The following ANK2 variants were observed in gnomAD, a reference collection of about 807,000 sequenced individuals.
ANK2 encodes the protein ankyrin-2.
In ANK2, 83 loss-of-function variants were observed where a neutral mutation model predicts 360.5. The observed-to-expected ratio is 0.23, with a 90% confidence interval of 0.19 to 0.28. The LOEUF (loss-of-function observed/expected upper bound fraction) is 0.28, where lower values mean the gene tolerates loss of function less well. ANK2 is among the 10% of genes least tolerant of loss of function. The pLI is 1.00. For synonymous variants in ANK2, 1,740 were observed against 1,759.5 expected (o/e 0.99, Z 0.28); for missense variants, 4,201 against 4,795.7 (o/e 0.88, Z 3.66).
At chr4:112,886,278 A>G (rs1378212704) in intron 1 of ANK2, among the ~76,000 whole-genome samples, 1 of 152,122 alleles carries the variant, frequency 6.6e-6, no homozygotes, top group Non-Finnish European at 1.5e-5. Flanking sequence ...GCTCAGCTAG[A>G]ATATAAATAC....
chr4:113,352,924 G>C, intron 37 of ANK2, 121 bp from the exon 38 acceptor site: 1 of 1,105,016 alleles, frequency 9.0e-7, no homozygotes, highest in Non-Finnish European at 1.3e-6. Context: ...AGCCCATTTT[G>C]TTGCCCCTCC....
At chr4:112,914,363 G>A (rs1434903633) in intron 2 of ANK2, among the ~76,000 whole-genome samples, 1 of 152,206 alleles carries the variant, frequency 6.6e-6, no homozygotes, top group Non-Finnish European at 1.5e-5. Context: ...GCTCACGCCG[G>A]TAATCCCCGT....
At chr4:112,775,383 G>A in the ANK2 span, among the ~76,000 whole-genome samples, 2 of 152,010 alleles carry the variant, frequency 1.3e-5, no homozygotes, top group African/African-American at 4.8e-5. Context: ...GCTGGGTGTG[G>A]TGGCACGTGC....
chr4:112,910,957 CT>C (rs1163828806), intron 2 of ANK2, among the ~76,000 whole-genome samples: 22,538 of 125,056 alleles, frequency 0.18, 1,960 homozygotes, highest in East Asian at 0.4. Flanking sequence ...TATTATTTGC[CT>C]TTTTTTTTTT....
chr4:113,228,082 T>C (rs1311699352), intron 4 of ANK2, among the ~76,000 whole-genome samples: 2 of 152,232 alleles, frequency 1.3e-5, no homozygotes, highest in Admixed American at 6.5e-5. Flanking sequence ...AAGGCACACA[T>C]GTGATGTTTG....
intron 2 of ANK2, among the ~76,000 whole-genome samples, chr4:112,949,029 C>T (rs2094753856): frequency 1.3e-5 from 2 of 152,136 alleles, no homozygotes; most frequent in Non-Finnish European, 2.9e-5. Context: ...CTTTCAGAGT[C>T]CCCCTCACCC....
chr4:113,235,697 A>G (rs2099366580), intron 5 of ANK2, among the ~76,000 whole-genome samples: 1 of 152,106 alleles, frequency 6.6e-6, no homozygotes, highest in Non-Finnish European at 1.5e-5. Context: ...CAGCCTCCCA[A>G]AGTGCTGGGA....
chr4:113,037,074 G>A (rs1025617246), intron 2 of ANK2, among the ~76,000 whole-genome samples: 1 of 151,918 alleles, frequency 6.6e-6, no homozygotes, highest in Non-Finnish European at 1.5e-5. Flanking sequence ...ACAGCTCTTT[G>A]TTTCTGACCT....
chr4:113,063,256 AT>A, intron 1 of ANK2, among the ~76,000 whole-genome samples: 1 of 152,166 alleles, frequency 6.6e-6, no homozygotes, highest in East Asian at 1.9e-4. Flanking sequence ...GTTATCATTT[AT>A]TAAGGGCTCT....
chr4:112,725,816 A>G, the ANK2 span, among the ~76,000 whole-genome samples: 3 of 152,170 alleles, frequency 2.0e-5, no homozygotes, highest in African/African-American at 7.2e-5. Context: ...ACAGAGTTTC[A>G]GTTTTGCAAG....
chr4:112,773,249 T>TG, the ANK2 span, among the ~76,000 whole-genome samples: 3 of 152,074 alleles, frequency 2.0e-5, no homozygotes, highest in African/African-American at 7.2e-5. Flanking sequence ...CTCGGGAAGT[T>TG]GGGGCTGTGG....
chr4:113,177,959 AG>A, intron 2 of ANK2, among the ~76,000 whole-genome samples: 1 of 152,230 alleles, frequency 6.6e-6, no homozygotes, highest in South Asian at 2.1e-4. Context: ...ATGTAAAAGG[AG>A]TTTCTAAGGT....
intron 1 of ANK2, among the ~76,000 whole-genome samples, chr4:113,121,307 A>C (rs1024547305): frequency 3.3e-5 from 5 of 152,288 alleles, no homozygotes; most frequent in Middle Eastern, 6.8e-3. Context: ...TCTAAAGTTC[A>C]TTGGAGAAAA....
chr4:113,268,596 G>C (rs2057207426), intron 14 of ANK2, among the ~76,000 whole-genome samples: 1 of 152,222 alleles, frequency 6.6e-6, no homozygotes, highest in Non-Finnish European at 1.5e-5. Flanking sequence ...CAGGGATGAA[G>C]CTGACTTGAT....
intron 1 of ANK2, among the ~76,000 whole-genome samples, chr4:112,841,336 T>C (rs2062034662): frequency 6.6e-6 from 1 of 152,222 alleles, no homozygotes; most frequent in African/African-American, 2.4e-5. Flanking sequence ...GGCTTTCATG[T>C]TATACGTTCA....
In ANK2 at chr4:113,104,138, C is replaced by T. The variant is rs28363839; in HGVS notation, c.84+54326C>T. 7.2e-3 allele frequency among the ~76,000 whole-genome samples: 1,092 copies of T among 152,250 alleles called. 16 individuals carry two copies. Among genetic ancestry groups the T allele is most frequent in the African/African-American group, 0.025 (1,045 of 41,550 alleles). ...TGGTGAGGTAAGAATATAACTCCTA[C>T]TTAATGTTCCTGTTCCTTAGGTGAA... On this transcript the variant is annotated intron_variant, in intron 1 of 45. Coordinates refer to ENST00000357077, the MANE Select transcript of ANK2 (RefSeq NM_001148.6).
At position 113,353,523 on chromosome 4, in the gene ANK2, G is replaced by C. The variant is rs1439709633; in HGVS notation, c.4905G>C (p.Gly1635=). 2 of 1,614,000 alleles carry C rather than the reference G, an allele frequency of 1.2e-6. No homozygotes were observed. Among genetic ancestry groups the C allele is most frequent in the African/African-American group, 1.3e-5 (1 of 75,006 alleles). Residue 1635 remains glycine (G), a synonymous_variant, in exon 38 of 46, where the codon GGG becomes GGC. Coordinates refer to ENST00000357077, the MANE Select transcript of ANK2 (RefSeq NM_001148.6). ...IKGKVEKDST[G]LVNYLTDDLN... Reference sequence around the variant, plus strand: ...GAAAAGTAGAGAAAGACTCAACTGGGCTAGTGAACTACCTTACTGATGATC... The same window carrying C: ...GAAAAGTAGAGAAAGACTCAACTGGCCTAGTGAACTACCTTACTGATGATC...
At chr4:113,335,037 G>T (rs926149437) in intron 29 of ANK2, among the ~76,000 whole-genome samples, 2 of 151,992 alleles carry the variant, frequency 1.3e-5, no homozygotes, top group Non-Finnish European at 2.9e-5. Flanking sequence ...ATAATGAATT[G>T]TAAATGATTT....
At chr4:113,005,149 G>A (rs1175813113) in intron 2 of ANK2, among the ~76,000 whole-genome samples, 2 of 151,954 alleles carry the variant, frequency 1.3e-5, no homozygotes, top group Non-Finnish European at 2.9e-5. Context: ...ATCATAGACA[G>A]GGCTAATTTA....
Sources: gnomAD v4.1 joint callset for allele counts (sites outside exome capture counted in the v4.1 genomes callset) on GRCh38, gnomAD v4.1.1 for gene constraint, MANE v1.5 for transcripts, NCBI Gene and HGNC (gene_info 2026-07-23, HGNC 2026-07-21) for gene names.